The following TRMT11 variants were observed in gnomAD, a reference collection of about 807,000 sequenced individuals.
TRMT11 encodes the protein tRNA methyltransferase 11.
In TRMT11, 53 loss-of-function variants were observed where a neutral mutation model predicts 62.8. The ratio of observed to expected loss-of-function variants is 0.84; its 90% confidence interval spans 0.68 to 1.06. TRMT11 has a LOEUF of 1.06. Ranked by LOEUF, TRMT11 falls within the 50% of genes least tolerant of loss-of-function variation. The probability of loss-of-function intolerance (pLI) is 0.00; values close to 1 mark genes in which losing one functional copy is unlikely to be tolerated. For synonymous variants in TRMT11, 188 were observed against 190.3 expected (o/e 0.99, Z 0.10); for missense variants, 556 against 553.4 (o/e 1.00, Z -0.05).
chr6:126,064,565 T>G (rs575972783), intron 17 of TRMT11, among the ~76,000 whole-genome samples: 1 of 146,672 alleles, frequency 6.8e-6, no homozygotes, highest in East Asian at 2.0e-4. Flanking sequence ...GCCTCCAAGA[T>G]AAAAAAAAAA....
At chr6:126,175,529 T>A (rs1285047620), upstream of TRMT11, among the ~76,000 whole-genome samples, 2 of 152,196 alleles carry the variant, frequency 1.3e-5, no homozygotes, top group African/African-American at 4.8e-5. Flanking sequence ...CTAGGTTATC[T>A]AAATCAACTT....
chr6:126,212,434 T>C, the TRMT11 span, among the ~76,000 whole-genome samples: 3 of 152,304 alleles, frequency 2.0e-5, no homozygotes, highest in South Asian at 6.2e-4. Flanking sequence ...TCAGCACTTG[T>C]TATTGCCTGT....
intron 21 of TRMT11, among the ~76,000 whole-genome samples, chr6:126,136,507 A>G (rs1476200724): frequency 6.6e-6 from 1 of 151,788 alleles, no homozygotes; most frequent in African/African-American, 2.4e-5. Flanking sequence ...GTTGAAGAGG[A>G]TATGAAAAAT....
chr6:126,093,096 G>A (rs898423305), intron 17 of TRMT11, among the ~76,000 whole-genome samples: 19 of 152,178 alleles, frequency 1.2e-4, no homozygotes, highest in African/African-American at 4.3e-4. Flanking sequence ...AATGGAGATG[G>A]AAAGAGGGAG....
chr6:125,996,847 G>A (rs1187872776), intron 3 of TRMT11, among the ~76,000 whole-genome samples: 1 of 152,092 alleles, frequency 6.6e-6, no homozygotes, highest in Non-Finnish European at 1.5e-5. Flanking sequence ...ATATGTAATT[G>A]TTGTATTACG....
Position 126,106,965 on chromosome 6 carries a change from T to C in TRMT11, c.*1438-5901T>C, listed in dbSNP as rs554420483. 7.3e-5 allele frequency among the ~76,000 whole-genome samples: 11 copies of C among 151,352 alleles called. No individual in the cohort carries two copies. The South Asian group carries it at 8.3e-4, about 11-fold the overall frequency. On this transcript the variant is annotated intron_variant and NMD_transcript_variant, in intron 17 of 22. Coordinates refer to the TRMT11 transcript ENST00000648977. The stretch of plus-strand genomic sequence containing the variant: ...AAAAAAAAAAAAAAAAATCAGACTC[T>C]GTGGGGACACTATGATTATTGTCCT...
chr6:126,121,832 A>G (rs1362584568), intron 21 of TRMT11, among the ~76,000 whole-genome samples: 1 of 151,982 alleles, frequency 6.6e-6, no homozygotes, highest in East Asian at 1.9e-4. Context: ...GAAATCACCA[A>G]TCTACTCTCA....
intron 21 of TRMT11, among the ~76,000 whole-genome samples, chr6:126,146,931 C>G (rs948340861): frequency 2.5e-5 from 1 of 40,190 alleles, no homozygotes; most frequent in African/African-American, 1.2e-4. Context: ...TCAAGATGCT[C>G]ATATTCTGCT....
chr6:126,095,575 C>A (rs1777330686), intron 17 of TRMT11, among the ~76,000 whole-genome samples: 1 of 152,174 alleles, frequency 6.6e-6, no homozygotes, highest in Non-Finnish European at 1.5e-5. Context: ...GCAAACATTT[C>A]TTGAGTCTGC....
intron 1 of TRMT11, among the ~76,000 whole-genome samples, chr6:126,179,306 C>A (rs925962389): frequency 6.6e-6 from 1 of 152,110 alleles, no homozygotes; most frequent in Non-Finnish European, 1.5e-5. Context: ...GTCCCTGCTT[C>A]CATTCTCTTT....
chr6:126,059,515 C>T (rs1776470137), intron 17 of TRMT11, among the ~76,000 whole-genome samples: 1 of 152,210 alleles, frequency 6.6e-6, no homozygotes, highest in Admixed American at 6.5e-5. Context: ...ATTCACTTAG[C>T]TGCAGTACTT....
intron 12 of TRMT11, among the ~76,000 whole-genome samples, chr6:126,037,934 G>A (rs1775484461): frequency 6.6e-6 from 1 of 152,090 alleles, no homozygotes; most frequent in Middle Eastern, 3.4e-3. Context: ...AGGTGTAATT[G>A]AATATGAATT....
intron 21 of TRMT11, among the ~76,000 whole-genome samples, chr6:126,135,235 C>A (rs896033171): frequency 2.7e-5 from 4 of 150,896 alleles, no homozygotes; most frequent in African/African-American, 9.7e-5. Flanking sequence ...AATGGACAAA[C>A]CTTTAGCTAG....
chr6:126,218,350 T>C, the TRMT11 span, among the ~76,000 whole-genome samples: 7 of 152,324 alleles, frequency 4.6e-5, no homozygotes, highest in Middle Eastern at 3.4e-3. Flanking sequence ...CCAGCATGTC[T>C]CAGAGTCTCA....
At chr6:125,999,360 A>G in intron 6 of TRMT11, 97 bp from the exon 7 acceptor site, 1 of 887,006 alleles carries the variant, frequency 1.1e-6, no homozygotes, top group Non-Finnish European at 1.6e-6. Context: ...AAGTGGAAAG[A>G]AGTTCTTATC....
intron 7 of TRMT11, chr6:126,006,716 A>G (rs1003876965): frequency 5.9e-5 from 9 of 151,900 alleles, no homozygotes; most frequent in East Asian, 1.9e-4. Flanking sequence ...ATGACTACCA[A>G]TGATTACCCA....
At chr6:126,222,913 A>G in the TRMT11 span, among the ~76,000 whole-genome samples, 69 of 152,296 alleles carry the variant, frequency 4.5e-4, 2 homozygotes, top group Non-Finnish European at 5.9e-5. Flanking sequence ...ACTGCTTTAT[A>G]GTGTCAATGG....
chr6:126,151,806 T>TTTTCTTTCTC (rs1778045400), intron 21 of TRMT11, among the ~76,000 whole-genome samples: 1 of 86,880 alleles, frequency 1.2e-5, no homozygotes, highest in Non-Finnish European at 2.2e-5. Context: ...CCTCTCTGTC[T>TTTTCTTTCTC]TTTCTTTCTT....
chr6:126,269,479 T>C, the TRMT11 span, among the ~76,000 whole-genome samples: 2 of 152,150 alleles, frequency 1.3e-5, no homozygotes, highest in Non-Finnish European at 2.9e-5. Context: ...GGTTAAATCT[T>C]TATATCAGAT....
Sources: allele counts gnomAD v4.1 joint callset (sites outside exome capture counted in the v4.1 genomes callset), GRCh38; gene constraint gnomAD v4.1.1; transcripts MANE v1.5; gene names NCBI Gene and HGNC (gene_info 2026-07-23, HGNC 2026-07-21).